TBC1D14: variants seen among roughly 807,000 people sequenced by gnomAD.
TBC1D14 encodes the protein TBC1 domain family, member 14.
Under a neutral mutation model 79.0 loss-of-function variants are expected in TBC1D14, and 26 were observed. The observed-to-expected ratio is 0.33, with a 90% CI of 0.24 to 0.46. The LOEUF is 0.46. Ranked by LOEUF, TBC1D14 falls within the 20% of genes least tolerant of loss-of-function variation. TBC1D14 has a pLI of 1.00. For synonymous variants in TBC1D14, 394 were observed against 349.9 expected, an observed-to-expected ratio of 1.13 and a Z score of -1.40; for missense variants, 769 against 887.6, an observed-to-expected ratio of 0.87 and a Z score of 1.70.
intron 12 of TBC1D14, among the ~76,000 whole-genome samples, chr4:7,016,003 C>T (rs1446533506): frequency 1.3e-5 from 2 of 152,344 alleles, no homozygotes; most frequent in Admixed American, 6.5e-5. Flanking sequence ...TGCCCACTTT[C>T]TTCATCAGGG....
At chr4:6,979,754 A>C (rs537638057) in intron 3 of TBC1D14, among the ~76,000 whole-genome samples, 1 of 152,306 alleles carries the variant, frequency 6.6e-6, no homozygotes, top group East Asian at 1.9e-4. Context: ...AATTAAGATA[A>C]GTCTATTAAT....
intron 2 of TBC1D14, among the ~76,000 whole-genome samples, chr4:6,927,927 T>G (rs150131019): frequency 3.4e-4 from 52 of 152,314 alleles, no homozygotes; most frequent in African/African-American, 1.3e-3. Context: ...GAGCCCAGTG[T>G]AGATTAACAG....
At position 6,923,409 on chromosome 4, in the gene TBC1D14, C is replaced by G. The variant is rs773096784; in HGVS notation, c.20C>G (p.Ser7Cys). 6.2e-7 allele frequency: 1 copy of G among 1,608,852 alleles called. No homozygotes were observed. ...ACCAAGATGACTGATGGAAAACTCTCCACCTCTACAAATGGCGTAGCCTTC... is the reference window on the plus strand; with the variant it reads ...ACCAAGATGACTGATGGAAAACTCTGCACCTCTACAAATGGCGTAGCCTTC... MTDGKL[S>C]TSTNGVAFMG... The change falls in exon 2 of 14, where the codon TCC becomes TGC. Residue 7 changes from serine to cysteine, a missense_variant. Physicochemically the swap from Ser to Cys is moderately radical, Grantham distance 112. Coordinates refer to ENST00000409757, the MANE Select transcript of TBC1D14 (RefSeq NM_020773.3).
At chr4:6,920,143 A>T (rs965006467) in intron 1 of TBC1D14, among the ~76,000 whole-genome samples, 1 of 152,144 alleles carries the variant, frequency 6.6e-6, no homozygotes, top group African/African-American at 2.4e-5. Context: ...AAATATTTAT[A>T]TATAGTTGAG....
chr4:6,988,497 AGCC>A (rs1718116869), intron 3 of TBC1D14, among the ~76,000 whole-genome samples: 8 of 152,228 alleles, frequency 5.3e-5, no homozygotes, highest in Non-Finnish European at 1.0e-4. Flanking sequence ...CTGGGTCCTC[AGCC>A]TGTGCAGATG....
chr4:6,969,526 C>T (rs1716034591), intron 3 of TBC1D14, among the ~76,000 whole-genome samples: 1 of 152,148 alleles, frequency 6.6e-6, no homozygotes, highest in Admixed American at 6.5e-5. Context: ...CTGCCTCAGC[C>T]TCCCCAGTAG....
intron 2 of TBC1D14, among the ~76,000 whole-genome samples, chr4:6,930,277 C>T (rs1317767647): frequency 1.3e-5 from 2 of 152,164 alleles, no homozygotes; most frequent in East Asian, 3.9e-4. Context: ...CCTTTTCCTC[C>T]TCCAGTTACT....
chr4:6,977,063 T>TCCTCTCCCTCTCCCTCCTCTCCCTCTC (rs1553863451), intron 3 of TBC1D14, among the ~76,000 whole-genome samples: 1 of 14,030 alleles, frequency 7.1e-5, no homozygotes, highest in African/African-American at 1.3e-4. Context: ...TCCCTCTCCC[T>TCCTCTCCCTCTCCCTCCTCTCCCTCTC]CCTCTCCCTC....
intron 2 of TBC1D14, among the ~76,000 whole-genome samples, chr4:6,931,997 G>A (rs560607055): frequency 2.6e-5 from 4 of 151,878 alleles, no homozygotes; most frequent in Non-Finnish European, 4.4e-5. Flanking sequence ...TGGGAGGAGC[G>A]GAGAAGACAA....
intron 3 of TBC1D14, among the ~76,000 whole-genome samples, chr4:6,982,973 T>C (rs1717514407): frequency 1.3e-5 from 2 of 152,226 alleles, no homozygotes; most frequent in Non-Finnish European, 2.9e-5. Context: ...TACTTTCCAC[T>C]GTATACACTT....
At chr4:7,001,561 G>A (rs1238771952) in intron 7 of TBC1D14, 3 of 302,722 alleles carry the variant, frequency 9.9e-6, no homozygotes, top group South Asian at 4.1e-5. Context: ...TGCCTGCGAC[G>A]TGAGTGTGGA....
chr4:6,982,126 G>GGT (rs1232944859), intron 3 of TBC1D14, among the ~76,000 whole-genome samples: 1 of 152,130 alleles, frequency 6.6e-6, no homozygotes, highest in African/African-American at 2.4e-5. Flanking sequence ...CCCACTCTTA[G>GGT]GTGTTTGCCA....
At chr4:7,026,426 A>G (rs1435503230) in intron 13 of TBC1D14, among the ~76,000 whole-genome samples, 1 of 152,120 alleles carries the variant, frequency 6.6e-6, no homozygotes, top group Non-Finnish European at 1.5e-5. Flanking sequence ...CTATCATCAG[A>G]TATCCAGTTT....
intron 1 of TBC1D14, among the ~76,000 whole-genome samples, chr4:6,920,848 C>T (rs988798890): frequency 1.3e-5 from 2 of 151,722 alleles, no homozygotes; most frequent in African/African-American, 4.8e-5. Context: ...GCGCGATCTC[C>T]GCTCACTGCA....
At chr4:6,962,937 G>A (rs548220751) in intron 2 of TBC1D14, among the ~76,000 whole-genome samples, 3 of 152,228 alleles carry the variant, frequency 2.0e-5, no homozygotes, top group Non-Finnish European at 2.9e-5. Flanking sequence ...GCCAGCAGAC[G>A]TGTGTAGAAC....
At chr4:6,943,928 C>T (rs1279710269) in intron 2 of TBC1D14, among the ~76,000 whole-genome samples, 2 of 152,214 alleles carry the variant, frequency 1.3e-5, no homozygotes, top group Non-Finnish European at 2.9e-5. Context: ...GAGCAGACCT[C>T]CCCAACAATT....
intron 5 of TBC1D14, among the ~76,000 whole-genome samples, chr4:6,997,597 G>C (rs1317137704): frequency 6.6e-6 from 1 of 152,152 alleles, no homozygotes; most frequent in African/African-American, 2.4e-5. Flanking sequence ...CTGCACTCCA[G>C]CCTGGGTGAC....
intron 2 of TBC1D14, among the ~76,000 whole-genome samples, chr4:6,939,986 C>T (rs746317041): frequency 1.2e-4 from 19 of 152,236 alleles, no homozygotes; most frequent in African/African-American, 4.1e-4. Context: ...TGGGCACCAG[C>T]GGCCTGTGCC....
chr4:6,991,563 GC>G (rs1408499307), intron 3 of TBC1D14, among the ~76,000 whole-genome samples: 3 of 152,206 alleles, frequency 2.0e-5, no homozygotes, highest in African/African-American at 7.2e-5. Flanking sequence ...CTGCATCCCT[GC>G]TTTTTTTTCT....
Sources: gnomAD v4.1 joint callset for allele counts (sites outside exome capture counted in the v4.1 genomes callset) on GRCh38, gnomAD v4.1.1 for gene constraint, MANE v1.5 for transcripts, NCBI Gene and HGNC (gene_info 2026-07-23, HGNC 2026-07-21) for gene names.